Variants in DNAL4 observed in about 807,000 individuals in gnomAD.
DNAL4 encodes the protein dynein axonemal light chain 4.
DNAL4 carries 10 observed loss-of-function variants against 12.6 expected under a neutral mutation model. The ratio of observed to expected loss-of-function variants is 0.79; its 90% confidence interval spans 0.49 to 1.34. The LOEUF is 1.34. Among genes scored for constraint, DNAL4 ranks in the 40% most tolerant of loss-of-function variants. The pLI is 0.00. For synonymous variants in DNAL4, 46 were observed against 53.1 expected, an observed-to-expected ratio of 0.87 and a Z score of 0.58; for missense variants, 128 against 138.1, an observed-to-expected ratio of 0.93 and a Z score of 0.37.
chr22:38,783,964 GTT>G (rs66904972), intron 1 of DNAL4, among the ~76,000 whole-genome samples: 54 of 147,174 alleles, frequency 3.7e-4, no homozygotes, highest in East Asian at 7.9e-4. Flanking sequence ...ATAATTCAAA[GTT>G]TTTTTTTTTT....
chr22:38,782,422 G>A lies in DNAL4; in HGVS notation c.69+241C>T, dbSNP rs142696483. On this transcript the variant is annotated intron_variant, in intron 2 of 3. Coordinates refer to ENST00000216068, the MANE Select transcript of DNAL4 (RefSeq NM_005740.3). The surrounding 1 kb of genome is among the most constrained non-coding windows in gnomAD (Gnocchi z 5.1). ...TGTGGGCCAGGCCTTCGCCTGTCTC[G>A]TTTACCATCCCCACAGTGCCTAGAA... 5.9e-5 allele frequency among the ~76,000 whole-genome samples: 9 copies of A among 152,354 alleles called. No individual in the cohort carries two copies. The highest frequency in any genetic ancestry group is 1.7e-4 in the African/African-American group (7 of 41,576).
chr22:38,786,627 G>A (rs1352077199), intron 1 of DNAL4, among the ~76,000 whole-genome samples: 6 of 152,128 alleles, frequency 3.9e-5, no homozygotes, highest in Admixed American at 3.3e-4. Flanking sequence ...GAATCTCCTG[G>A]GTACAGAAGC....
chr22:38,784,896 T>C (rs1405126407), intron 1 of DNAL4, among the ~76,000 whole-genome samples: 1 of 152,122 alleles, frequency 6.6e-6, no homozygotes, highest in Admixed American at 6.5e-5. Flanking sequence ...GCTGTGCTCT[T>C]GATTTGATCC....
chr22:38,792,371 C>T (rs1185412052), intron 1 of DNAL4, among the ~76,000 whole-genome samples: 3 of 152,128 alleles, frequency 2.0e-5, no homozygotes, highest in African/African-American at 7.2e-5. Context: ...AAACCTCCAC[C>T]TCCCGGGTTC....
At chr22:38,792,577 C>A (rs1050269819) in intron 1 of DNAL4, among the ~76,000 whole-genome samples, 7 of 152,264 alleles carry the variant, frequency 4.6e-5, no homozygotes, top group African/African-American at 1.4e-4. Context: ...AGCCACCGCT[C>A]CTGGCCTTTA....
rs147843435 is a variant in DNAL4 at position 38,780,951 on chromosome 22, C to A, written c.128G>T (p.Cys43Phe). 4.9e-5 allele frequency: 79 copies of A among 1,614,120 alleles called. No individual in the cohort carries two copies. Among genetic ancestry groups the A allele is most frequent in the Non-Finnish European group, 6.1e-5 (72 of 1,180,038 alleles). Residue 43 changes from cysteine (C) to phenylalanine (F), a missense_variant, in exon 3 of 4, where the codon TGT becomes TTT. Coordinates refer to ENST00000216068, the MANE Select transcript of DNAL4 (RefSeq NM_005740.3). ...VETMELCVTA[C>F]EKFSNNNESA... ...CTCGTTGTTGTTGGAGAATTTCTCA[C>A]AGGCTGTGACACATAGCTCCATGGT...
At chr22:38,791,799 T>A (rs2093051013) in intron 1 of DNAL4, among the ~76,000 whole-genome samples, 2 of 151,918 alleles carry the variant, frequency 1.3e-5, no homozygotes, top group Non-Finnish European at 2.9e-5. Flanking sequence ...CAAATGATTC[T>A]TCTGCCTCAG....
Position 38,782,226 on chromosome 22 carries a change from G to A in DNAL4, c.69+437C>T, listed in dbSNP as rs750810229. On this transcript the variant is annotated intron_variant, in intron 2 of 3. Transcript: ENST00000216068. The surrounding 1 kb of genome is among the most constrained non-coding windows in gnomAD (Gnocchi z 5.1). ...AGGCTTCCCGTGCCTCTGTTTCCCC[G>A]GCTTGGCATGTTCTTCCCCAGGTCT... 3.3e-5 allele frequency among the ~76,000 whole-genome samples: 5 copies of A among 152,104 alleles called. No homozygotes were observed. Among genetic ancestry groups the A allele is most frequent in the Non-Finnish European group, 7.4e-5 (5 of 68,022 alleles).
intron 1 of DNAL4, among the ~76,000 whole-genome samples, chr22:38,783,383 T>TACACGGGCCTTCCCTCCCACTACAC (rs1253988405): frequency 8.7e-6 from 1 of 115,478 alleles, no homozygotes; most frequent in African/African-American, 3.5e-5. Context: ...TCCCACTGCA[T>TACACGGGCCTTCCCTCCCACTACAC]ACACGGGCCT....
intron 3 of DNAL4, among the ~76,000 whole-genome samples, chr22:38,780,529 C>T (rs1244672150): frequency 3.3e-5 from 5 of 152,184 alleles, no homozygotes; most frequent in East Asian, 1.9e-4. Context: ...GCCTGCTGGC[C>T]GTATCCCCAA....
chr22:38,784,016 CA>C (rs2093038469), intron 1 of DNAL4, among the ~76,000 whole-genome samples: 4 of 151,808 alleles, frequency 2.6e-5, no homozygotes, highest in Non-Finnish European at 4.4e-5. Context: ...TACAAATCAC[CA>C]GGTTGTTAAG....
chr22:38,787,244 CTTTT>C (rs199611279), intron 1 of DNAL4, among the ~76,000 whole-genome samples: 8 of 142,414 alleles, frequency 5.6e-5, no homozygotes, highest in Non-Finnish European at 4.6e-5. Context: ...TTCTTTCTTT[CTTTT>C]TTTTTTTTTT....
intron 1 of DNAL4, among the ~76,000 whole-genome samples, chr22:38,785,041 C>G (rs1311434504): frequency 6.8e-6 from 1 of 147,674 alleles, no homozygotes; most frequent in African/African-American, 2.5e-5. Flanking sequence ...CTCCACTTAT[C>G]TCATCAATTC....
At chr22:38,785,591 G>C (rs12484954) in intron 1 of DNAL4, 46,294 of 152,252 alleles carry the variant, frequency 0.3, 8,814 homozygotes, top group Admixed American at 0.47. Flanking sequence ...CAGGAACAAC[G>C]GGGAAAAGCC....
intron 1 of DNAL4, among the ~76,000 whole-genome samples, chr22:38,791,507 C>T (rs1242991264): frequency 6.6e-6 from 1 of 151,816 alleles, no homozygotes; most frequent in Non-Finnish European, 1.5e-5. Flanking sequence ...GCACGTGCCA[C>T]CAAGCCGGGC....
intron 1 of DNAL4, among the ~76,000 whole-genome samples, chr22:38,783,436 A>G (rs746676973): frequency 6.6e-6 from 1 of 151,758 alleles, no homozygotes; most frequent in Non-Finnish European, 1.5e-5. Context: ...TGCTACACAC[A>G]TGGGCCTTCC....
At chr22:38,792,979 T>C (rs529268609) in intron 1 of DNAL4, among the ~76,000 whole-genome samples, 2 of 152,350 alleles carry the variant, frequency 1.3e-5, no homozygotes, top group African/African-American at 4.8e-5. Flanking sequence ...GGCAGCACTG[T>C]AGGTTTGCTT....
intron 1 of DNAL4, among the ~76,000 whole-genome samples, chr22:38,784,070 G>A (rs1383792034): frequency 2.0e-5 from 3 of 151,858 alleles, no homozygotes; most frequent in Non-Finnish European, 2.9e-5. Context: ...GCAAAATAAT[G>A]TTATTCCAGC....
chr22:38,793,009 C>T (rs1164456254), intron 1 of DNAL4, among the ~76,000 whole-genome samples: 1 of 152,174 alleles, frequency 6.6e-6, no homozygotes, highest in Non-Finnish European at 1.5e-5. Flanking sequence ...TCACCACACA[C>T]GTGAGTCATG....
Sources: allele counts gnomAD v4.1 joint callset (sites outside exome capture counted in the v4.1 genomes callset), GRCh38; gene constraint gnomAD v4.1.1; non-coding constraint Gnocchi (gnomAD v3.1); transcripts MANE v1.5; gene names NCBI Gene and HGNC (gene_info 2026-07-23, HGNC 2026-07-21).